The following INPP4B variants were observed in gnomAD, a reference collection of about 807,000 sequenced individuals.
INPP4B encodes inositol polyphosphate 4-phosphatase type II.
A neutral mutation model predicts 122.5 loss-of-function variants in INPP4B; 55 were observed. The ratio of observed to expected loss-of-function variants is 0.45; its 90% CI spans 0.36 to 0.56. The LOEUF (loss-of-function observed/expected upper bound fraction) is 0.56. Among genes scored for constraint, INPP4B ranks in the 20% least tolerant of loss-of-function variants. The pLI, the probability that INPP4B is intolerant of heterozygous loss-of-function variation, is 0.00. For synonymous variants in INPP4B, 403 were observed against 388.7 expected (o/e 1.04, Z -0.43); for missense variants, 1,000 against 1,097.7 (o/e 0.91, Z 1.26).
rs113666884 is a variant in INPP4B at position 142,189,440 on chromosome 4, T to A, written c.1181+3647A>T. Among the ~76,000 whole-genome samples the A allele has an allele frequency of 3.0e-3, 458 of 152,220 alleles. 3 individuals carry two copies. The highest frequency in any genetic ancestry group is 0.01 in the African/African-American group (424 of 41,532). ...CATCTCTTATTCAAGAAAAGCACAA[T>A]GTATTACAGAAACGGCATACAAGAA... On this transcript the variant is annotated intron_variant, in intron 15 of 25. Transcript: ENST00000262992.
chr4:142,309,855 A>G (rs1054021163), intron 8 of INPP4B, among the ~76,000 whole-genome samples: 2 of 152,192 alleles, frequency 1.3e-5, no homozygotes, highest in African/African-American at 4.8e-5. Context: ...AGGGTGAAAA[A>G]AAGTGGTGCA....
intron 2 of INPP4B, among the ~76,000 whole-genome samples, chr4:142,642,170 C>G (rs1750656739): frequency 1.3e-5 from 2 of 152,142 alleles, no homozygotes; most frequent in African/African-American, 2.4e-5. Flanking sequence ...GATATTACCC[C>G]TTTGTCAGAT....
chr4:142,313,267 G>A (rs1327751826), intron 8 of INPP4B, among the ~76,000 whole-genome samples: 2 of 152,186 alleles, frequency 1.3e-5, no homozygotes, highest in Non-Finnish European at 1.5e-5. Context: ...CAAGAGCAGT[G>A]GTGGAGTGGG....
At chr4:142,263,110 C>G (rs1561672012) in intron 10 of INPP4B, among the ~76,000 whole-genome samples, 1 of 152,118 alleles carries the variant, frequency 6.6e-6, no homozygotes, top group Non-Finnish European at 1.5e-5. Flanking sequence ...CTAAACTAAG[C>G]CTCTCCCGTG....
At chr4:142,134,444 G>A (rs1442212129) in intron 18 of INPP4B, among the ~76,000 whole-genome samples, 1 of 152,130 alleles carries the variant, frequency 6.6e-6, no homozygotes, top group Non-Finnish European at 1.5e-5. Context: ...ATTTTAAAAT[G>A]TCATAATTCA....
intron 6 of INPP4B, 59 bp downstream of exon 6, chr4:142,405,147 G>T: frequency 1.0e-6 from 1 of 985,404 alleles, no homozygotes; most frequent in Non-Finnish European, 1.6e-6. Flanking sequence ...GAGCAAGAGC[G>T]AGCGAGCCAG....
intron 7 of INPP4B, among the ~76,000 whole-genome samples, chr4:142,389,928 T>A (rs1192655370): frequency 6.6e-6 from 1 of 152,196 alleles, no homozygotes; most frequent in African/African-American, 2.4e-5. Context: ...CACTAAAAGT[T>A]TGAACAAGTT....
chr4:142,805,940 G>A (rs1480393090), intron 1 of INPP4B, among the ~76,000 whole-genome samples: 5 of 152,038 alleles, frequency 3.3e-5, no homozygotes, highest in South Asian at 2.1e-4. Context: ...TAAAGTCAAG[G>A]TATGGGAGAG....
chr4:142,332,417 G>C lies in INPP4B; in HGVS notation c.373-17655C>G, dbSNP rs749560895. Among the ~76,000 whole-genome samples the C allele has an allele frequency of 5.9e-5, 9 of 151,922 alleles. No individual in the cohort carries two copies. In the South Asian group the frequency reaches 8.3e-4, roughly 14 times the overall value. On this transcript the variant is annotated intron_variant, in intron 7 of 25. Transcript: ENST00000262992. Reference sequence around the variant, plus strand: ...TCAATATTCATGAAAACAGCAATGGGATAGAAAAGCATTAAAGGCTTTTAT... The same window carrying C: ...TCAATATTCATGAAAACAGCAATGGCATAGAAAAGCATTAAAGGCTTTTAT...
chr4:142,402,944 A>G lies in INPP4B; in HGVS notation c.366T>C (p.His122=). 1.3e-6 allele frequency: 2 copies of G among 1,484,524 alleles called. No homozygotes were observed. The highest frequency in any genetic ancestry group is 1.9e-6 in the Non-Finnish European group (2 of 1,061,342). The allele number at this position is 1,484,524 out of a possible 1,614,324, so 92.0% of individuals were successfully genotyped here. Residue 122 remains histidine (H), a synonymous_variant, in exon 7 of 26, where the codon CAT becomes CAC. Transcript: ENST00000262992. ...LTVYDVKDKS[H]DTVRTSVLPE... ...AAGAAGTACCAGTACTTACGGTGTC[A>G]TGAGACTTATCCTTGACATCATAGA... is the stretch of plus-strand genomic sequence containing the variant.
intron 1 of INPP4B, among the ~76,000 whole-genome samples, chr4:142,771,817 T>C (rs1397819350): frequency 6.6e-6 from 1 of 152,152 alleles, no homozygotes; most frequent in East Asian, 1.9e-4. Flanking sequence ...GTTTTTAATG[T>C]AATTTTTTTT....
At chr4:142,733,940 A>G (rs567790631) in intron 1 of INPP4B, among the ~76,000 whole-genome samples, 2 of 152,360 alleles carry the variant, frequency 1.3e-5, no homozygotes, top group African/African-American at 4.8e-5. Context: ...GATTACATGA[A>G]CAATATGAAT....
chr4:142,723,840 C>T (rs1205048929), intron 2 of INPP4B, among the ~76,000 whole-genome samples: 1 of 152,070 alleles, frequency 6.6e-6, no homozygotes, highest in African/African-American at 2.4e-5. Flanking sequence ...GTGTGTATTA[C>T]CTTATTAATA....
chr4:142,322,314 T>C (rs1410385998), intron 7 of INPP4B, among the ~76,000 whole-genome samples: 1 of 152,220 alleles, frequency 6.6e-6, no homozygotes, highest in African/African-American at 2.4e-5. Flanking sequence ...ATGAAAATTA[T>C]ATCTGAAATA....
chr4:142,132,651 C>T (rs1156561943), intron 18 of INPP4B, among the ~76,000 whole-genome samples: 1 of 152,182 alleles, frequency 6.6e-6, no homozygotes, highest in East Asian at 1.9e-4. Context: ...TCTGTTGGTA[C>T]ACCAGATCTC....
intron 10 of INPP4B, among the ~76,000 whole-genome samples, chr4:142,266,263 T>C (rs1402632229): frequency 6.6e-6 from 1 of 152,100 alleles, no homozygotes; most frequent in Non-Finnish European, 1.5e-5. Flanking sequence ...ATGCACAAAC[T>C]CAAGAAAGTC....
chr4:142,158,351 C>T (rs1343907212), intron 17 of INPP4B, among the ~76,000 whole-genome samples: 1 of 152,096 alleles, frequency 6.6e-6, no homozygotes, highest in Non-Finnish European at 1.5e-5. Flanking sequence ...ATTTGTCTTT[C>T]TACAGCCCTG....
chr4:142,097,421 A>AT (rs201434357), intron 23 of INPP4B, among the ~76,000 whole-genome samples: 10,112 of 151,192 alleles, frequency 0.067, 362 homozygotes, highest in Middle Eastern at 0.092. Flanking sequence ...TGCCTGGCTA[A>AT]TTTTTTGTAT....
chr4:142,643,838 A>G (rs139691026), intron 2 of INPP4B, among the ~76,000 whole-genome samples: 15 of 152,322 alleles, frequency 9.8e-5, no homozygotes, highest in African/African-American at 3.6e-4. Context: ...TCCATTCGGA[A>G]TCACACCAGA....
Sources: allele counts gnomAD v4.1 joint callset (sites outside exome capture counted in the v4.1 genomes callset), GRCh38; gene constraint gnomAD v4.1.1; transcripts MANE v1.5; gene names NCBI Gene and HGNC (gene_info 2026-07-23, HGNC 2026-07-21).